CCNF: variants seen among roughly 807,000 people sequenced by gnomAD.
CCNF encodes the protein cyclin F.
A neutral mutation model predicts 85.4 loss-of-function variants in CCNF; 30 were observed. That is an observed-to-expected ratio of 0.35 (90% CI 0.26 to 0.48). The LOEUF (loss-of-function observed/expected upper bound fraction) is 0.48, where lower values mean the gene tolerates loss of function less well. Among genes scored for constraint, CCNF ranks in the 20% least tolerant of loss-of-function variants. The pLI is 0.99. For missense variants in CCNF, 919 were observed against 1,010.4 expected (o/e 0.91, Z 1.23); for synonymous variants, 439 against 425.1 (o/e 1.03, Z -0.40).
At chr16:2,449,699 A>C (rs372591776) in intron 12 of CCNF, 129 bp from the exon 13 acceptor site, 1 of 750,048 alleles carries the variant, frequency 1.3e-6, no homozygotes. Flanking sequence ...AGCTCCAAGA[A>C]ACTCCACAGC....
At chr16:2,431,000 T>C (rs747062018) in intron 1 of CCNF, 130 bp from the exon 2 acceptor site, 34 of 974,706 alleles carry the variant, frequency 3.5e-5, no homozygotes, top group Non-Finnish European at 5.5e-5. Flanking sequence ...GTTCCATCTT[T>C]TGTGGCACAG....
chr16:2,451,842 C>A lies in CCNF; in HGVS notation c.1488-1368C>A, dbSNP rs2065396958. Among the ~76,000 whole-genome samples, 1 of 152,098 alleles carries A rather than the reference C, an allele frequency of 6.6e-6. No homozygotes were observed. Among genetic ancestry groups the A allele is most frequent in the Non-Finnish European group, 1.5e-5 (1 of 68,004 alleles). On this transcript the variant is annotated intron_variant, in intron 13 of 16. Transcript: ENST00000397066. The surrounding 1 kb of genome is among the most constrained non-coding windows in gnomAD (Gnocchi z 4.3). The stretch of plus-strand genomic sequence containing the variant: ...ACCCCAAGGGGCCCCGGAATTCTGG[C>A]TTTCTGCCACTCCTCAGACTCCTTC...
chr16:2,450,240 C>G lies in CCNF; in HGVS notation c.1487+325C>G, dbSNP rs562980772. Among the ~76,000 whole-genome samples, 65 of 149,706 alleles carry G rather than the reference C, an allele frequency of 4.3e-4. 1 individual carries two copies. Among genetic ancestry groups the G allele is most frequent in the African/African-American group, 1.3e-3 (54 of 40,392 alleles). On this transcript the variant is annotated intron_variant, in intron 13 of 16. Coordinates refer to ENST00000397066, the MANE Select transcript of CCNF (RefSeq NM_001761.3). ...ACTGGCCAGGCATGGTGGCTCACACCTGTAATCCCAGCACTTTGGGAGGCC... is the reference window on the plus strand; with the variant it reads ...ACTGGCCAGGCATGGTGGCTCACACGTGTAATCCCAGCACTTTGGGAGGCC...
In CCNF at chr16:2,445,461, C is replaced by T. The variant is rs1567387560; in HGVS notation, c.933C>T (p.Tyr311=). The T allele has an allele frequency of 6.2e-7, 1 of 1,614,150 alleles. No individual in the cohort carries two copies. Among genetic ancestry groups the T allele is most frequent in the South Asian group, 1.1e-5 (1 of 91,088 alleles). Residue 311 remains tyrosine (Y), a synonymous_variant, in exon 10 of 17, where the codon TAC becomes TAT. Transcript: ENST00000397066. ...VQKGLNDTMR[Y]ILIDWLVEVA... ...CCACGTGCTTCTCTTTCCGCAGGTA[C>T]ATTCTGATCGACTGGCTGGTGGAAG...
intron 9 of CCNF, among the ~76,000 whole-genome samples, chr16:2,444,065 A>G (rs572737768): frequency 1.9e-4 from 28 of 151,294 alleles, no homozygotes; most frequent in Middle Eastern, 3.4e-3. Context: ...GACTACAGGC[A>G]CCCACCACCA....
Position 2,431,192 on chromosome 16 carries a change from C to T in CCNF, c.79C>T (p.Pro27Ser), listed in dbSNP as rs753420694. ...TACAAAGCGAAGAATAAGGAGGAGG[C>T]CCCGAAACCTGACCATCTTGAGTCT... ...YPTKRRIRRR[P>S]RNLTILSLPE... The change falls in exon 2 of 17, where the codon CCC becomes TCC. Residue 27 changes from proline (P) to serine (S), a missense_variant. By Grantham distance (74) the Pro-to-Ser change is moderately conservative. Around this residue, in one of 3 missense-constraint regions of CCNF, gnomAD observed 410 missense variants for 478.6 expected, o/e 0.86. Transcript: ENST00000397066. 8.7e-6 allele frequency: 14 copies of T among 1,613,900 alleles called. No individual in the cohort carries two copies. The East Asian group carries it at 3.1e-4, about 36-fold the overall frequency.
chr16:2,449,012 C>T (rs774298900), intron 11 of CCNF, 34 bp downstream of exon 11: 12 of 1,225,638 alleles, frequency 9.8e-6, no homozygotes, highest in East Asian at 4.8e-5. Flanking sequence ...TATTAATCTT[C>T]GTTGTCGCTG....
chr16:2,435,838 T>A lies in CCNF; in HGVS notation c.311T>A (p.Val104Glu), dbSNP rs753785529. 6.2e-7 allele frequency: 1 copy of A among 1,613,942 alleles called. No individual in the cohort carries two copies. The highest frequency in any genetic ancestry group is 1.1e-5 in the South Asian group (1 of 91,058). Residue 104 changes from valine to glutamate, a missense_variant, in exon 4 of 17, where the codon GTG becomes GAG. Val to Glu is a moderately radical substitution (Grantham distance 121, BLOSUM62 -2). Coordinates refer to ENST00000397066, the MANE Select transcript of CCNF (RefSeq NM_001761.3). Reference protein sequence around the residue: ...AAEKGNFEAAVKLGIAYLYNE... With the variant: ...AAEKGNFEAAEKLGIAYLYNE... ...GAAAAGGGGAATTTCGAAGCTGCTGTGAAGCTGGGCATAGCCTACCTCTAC... is the reference window on the plus strand; with the variant it reads ...GAAAAGGGGAATTTCGAAGCTGCTGAGAAGCTGGGCATAGCCTACCTCTAC...
At position 2,437,386 on chromosome 16, in the gene CCNF, C is replaced by G. The variant is rs1429108160; in HGVS notation, c.540+64C>G. 20 of 1,297,858 alleles carry G rather than the reference C, an allele frequency of 1.5e-5. No individual in the cohort carries two copies. In the East Asian group the frequency reaches 5.0e-4, roughly 32 times the overall value. The allele number at this position is 1,297,858 out of a possible 1,614,324, so 80.4% of individuals were successfully genotyped here. On this transcript the variant is annotated intron_variant, in intron 5 of 16. Transcript: ENST00000397066. Reference sequence around the variant, plus strand: ...GCAGGGTCCCAGGACACAGGAAGACCCCGAGGGTAGATCCTGGACCCTGGA... The same window carrying G: ...GCAGGGTCCCAGGACACAGGAAGACGCCGAGGGTAGATCCTGGACCCTGGA...
In CCNF at chr16:2,453,962, C is replaced by T. The variant is rs2065410125; in HGVS notation, c.1715+425C>T. On this transcript the variant is annotated intron_variant, in intron 15 of 16. Coordinates refer to ENST00000397066, the MANE Select transcript of CCNF (RefSeq NM_001761.3). This position sits in a 1 kb window ranked among gnomAD's most constrained non-coding sequence, Gnocchi z 5.6. ...CACCCGTGTGGACCTGTTTACCCGC[C>T]TCTCCTATCTCAGCACCTTGGCTGT... is the stretch of plus-strand genomic sequence containing the variant. 6.6e-6 allele frequency among the ~76,000 whole-genome samples: 1 copy of T among 152,224 alleles called. No homozygotes were observed. The highest frequency in any genetic ancestry group is 1.9e-4 in the East Asian group (1 of 5,196).
At chr16:2,432,885 G>A (rs2065269686) in intron 2 of CCNF, 76 bp from the exon 3 acceptor site, 12 of 811,276 alleles carry the variant, frequency 1.5e-5, no homozygotes, top group Middle Eastern at 3.2e-4. Context: ...TCTGCCTCTC[G>A]TCCTCAAGAG....
intron 6 of CCNF, among the ~76,000 whole-genome samples, chr16:2,438,606 C>T (rs1477814243): frequency 6.7e-6 from 1 of 149,424 alleles, no homozygotes; most frequent in Non-Finnish European, 1.5e-5. Flanking sequence ...TGCACCACTG[C>T]ACTCCAGCCT....
chr16:2,442,259 G>A (rs1397623876), intron 8 of CCNF, among the ~76,000 whole-genome samples: 4 of 140,522 alleles, frequency 2.8e-5, no homozygotes, highest in South Asian at 2.2e-4. Flanking sequence ...TGCCCGCCTC[G>A]GCCTCCTAAA....
rs1567388980 is a variant in CCNF, at chr16:2,448,984, C to T, written c.1218+6C>T. On this transcript the variant is annotated splice_donor_region_variant and intron_variant, in intron 11 of 16. Coordinates refer to ENST00000397066, the MANE Select transcript of CCNF (RefSeq NM_001761.3). ...CCTTGGAAGGGAAGATTCGAGTAAG[C>T]AGCGGTTCCATTTTCCTTATTAATC... is the stretch of plus-strand genomic sequence containing the variant. 3 of 1,613,052 alleles carry T rather than the reference C, an allele frequency of 1.9e-6. No individual in the cohort carries two copies. The East Asian group carries it at 6.7e-5, about 36-fold the overall frequency.
chr16:2,445,683 A>T, intron 10 of CCNF, 61 bp downstream of exon 10: 1 of 1,488,522 alleles, frequency 6.7e-7, no homozygotes, highest in African/African-American at 1.4e-5. Context: ...GTTCAGGGTC[A>T]CCTGCCCTTC....
At chr16:2,437,975 G>T in intron 5 of CCNF, 95 bp from the exon 6 acceptor site, 1 of 822,148 alleles carries the variant, frequency 1.2e-6, no homozygotes. Context: ...AGACAGCAGG[G>T]CCATGGGCAT....
chr16:2,454,444 G>A (rs1279378865), intron 15 of CCNF, among the ~76,000 whole-genome samples: 1 of 152,200 alleles, frequency 6.6e-6, no homozygotes, highest in Non-Finnish European at 1.5e-5. Flanking sequence ...CCTGGCCCTG[G>A]CCCTGTGCTC....
intron 8 of CCNF, among the ~76,000 whole-genome samples, chr16:2,443,194 AT>A (rs2065342413): frequency 8.1e-6 from 1 of 122,868 alleles, no homozygotes; most frequent in South Asian, 2.4e-4. Flanking sequence ...TAATATATAT[AT>A]ATTTCTCTGT....
chr16:2,449,391 G>A lies in CCNF; in HGVS notation c.1328G>A (p.Ser443Asn), dbSNP rs772287531. The A allele has an allele frequency of 1.9e-6, 3 of 1,612,470 alleles. No individual in the cohort carries two copies. Among genetic ancestry groups the A allele is most frequent in the African/African-American group, 2.7e-5 (2 of 74,940 alleles). Reference sequence around the variant, plus strand: ...TGCGAGCTCTCCCTGCTGCACACCAGCCTGTCCGCCTACGCCCCAGCCCGC... The same window carrying A: ...TGCGAGCTCTCCCTGCTGCACACCAACCTGTCCGCCTACGCCCCAGCCCGC... ...FLCELSLLHT[S>N]LSAYAPARLA... Residue 443 changes from serine to asparagine, a missense_variant, in exon 12 of 17, where the codon AGC becomes AAC. This residue lies in a region of CCNF where 505 missense variants were observed against 514.8 expected (regional missense o/e 0.98). Coordinates refer to ENST00000397066, the MANE Select transcript of CCNF (RefSeq NM_001761.3).
Sources: allele counts gnomAD v4.1 joint callset (sites outside exome capture counted in the v4.1 genomes callset), GRCh38; gene constraint gnomAD v4.1.1; regional missense constraint gnomAD v4.1.1; non-coding constraint Gnocchi (gnomAD v3.1); transcripts MANE v1.5; gene names NCBI Gene and HGNC (gene_info 2026-07-23, HGNC 2026-07-21).